Variants in PARP15 observed in about 807,000 individuals in gnomAD.
PARP15 encodes protein mono-ADP-ribosyltransferase PARP15.
In PARP15, 50 loss-of-function variants were observed where a neutral mutation model predicts 62.1. The observed-to-expected ratio is 0.81, with a 90% CI of 0.64 to 1.02. PARP15 has a LOEUF of 1.02. Among genes scored for constraint, PARP15 ranks in the 50% least tolerant of loss-of-function variants. The pLI, the probability that PARP15 is intolerant of heterozygous loss-of-function variation, is 0.00. For synonymous variants in PARP15, 309 were observed against 293.1 expected, an observed-to-expected ratio of 1.05 and a Z score of -0.55; for missense variants, 820 against 826.5, an observed-to-expected ratio of 0.99 and a Z score of 0.10.
At chr3:122,632,734 A>T (rs1195988455) in intron 10 of PARP15, among the ~76,000 whole-genome samples, 1 of 152,232 alleles carries the variant, frequency 6.6e-6, no homozygotes, top group African/African-American at 2.4e-5. Context: ...GAGAATCCCA[A>T]CTACTGCAAC....
At chr3:122,624,480 G>A (rs1036036279) in intron 8 of PARP15, among the ~76,000 whole-genome samples, 4 of 152,138 alleles carry the variant, frequency 2.6e-5, no homozygotes, top group African/African-American at 4.8e-5. Context: ...CCTGTGACAT[G>A]GAAACTATTA....
chr3:122,599,505 C>G (rs1266877841), intron 1 of PARP15, among the ~76,000 whole-genome samples: 1 of 144,194 alleles, frequency 6.9e-6, no homozygotes, highest in Non-Finnish European at 1.5e-5. Context: ...GCCTTTCTTC[C>G]TCGAATTTCT....
At chr3:122,587,730 T>C (rs1018203950) in intron 1 of PARP15, among the ~76,000 whole-genome samples, 1 of 152,058 alleles carries the variant, frequency 6.6e-6, no homozygotes, top group African/African-American at 2.4e-5. Flanking sequence ...CACTATATTG[T>C]CCAGGTCTTG....
At chr3:122,598,352 G>C (rs936616579) in intron 1 of PARP15, among the ~76,000 whole-genome samples, 1 of 152,172 alleles carries the variant, frequency 6.6e-6, no homozygotes, top group African/African-American at 2.4e-5. Flanking sequence ...GGGTGATTCT[G>C]GCTCAGTATC....
intron 9 of PARP15, 56 bp downstream of exon 9, chr3:122,627,089 A>C: frequency 1.4e-6 from 2 of 1,405,710 alleles, no homozygotes; most frequent in Non-Finnish European, 2.0e-6. Context: ...CACTTAGAAA[A>C]TGTTTAAGTG....
chr3:122,599,425 T>C (rs987645336), intron 1 of PARP15, among the ~76,000 whole-genome samples: 6 of 152,180 alleles, frequency 3.9e-5, no homozygotes, highest in Non-Finnish European at 8.8e-5. Context: ...CCAGATTTTA[T>C]TAGCTGGATA....
intron 6 of PARP15, among the ~76,000 whole-genome samples, chr3:122,617,966 A>T (rs151066281): frequency 9.3e-4 from 141 of 152,320 alleles, no homozygotes; most frequent in Non-Finnish European, 1.6e-3. Flanking sequence ...TCCTGACCTC[A>T]GGTGATCTGC....
At chr3:122,611,062 A>G (rs748389747) in intron 3 of PARP15, among the ~76,000 whole-genome samples, 2 of 152,214 alleles carry the variant, frequency 1.3e-5, no homozygotes, top group Non-Finnish European at 2.9e-5. Context: ...CCTTGGAGGT[A>G]GTAACATTCA....
At chr3:122,588,234 G>A (rs974216749) in intron 1 of PARP15, among the ~76,000 whole-genome samples, 20 of 151,918 alleles carry the variant, frequency 1.3e-4, no homozygotes, top group African/African-American at 4.6e-4. Context: ...ATTATTATTT[G>A]TAATATATTT....
intron 1 of PARP15, among the ~76,000 whole-genome samples, chr3:122,593,815 T>C (rs1934135936): frequency 1.3e-5 from 2 of 152,156 alleles, no homozygotes; most frequent in African/African-American, 4.8e-5. Context: ...TTTTGTCGCT[T>C]GTTTTGAAAA....
intron 4 of PARP15, chr3:122,615,483 C>T (rs755498543): frequency 6.1e-5 from 73 of 1,204,656 alleles, no homozygotes; most frequent in Middle Eastern, 2.1e-4. Flanking sequence ...GGAGGGATAA[C>T]GATAGTGGTC....
chr3:122,588,773 T>C (rs975596615), intron 1 of PARP15, among the ~76,000 whole-genome samples: 15 of 152,230 alleles, frequency 9.9e-5, no homozygotes, highest in African/African-American at 3.4e-4. Flanking sequence ...ACTACTATAC[T>C]TTCTGTCTTC....
At position 122,601,105 on chromosome 3, in the gene PARP15, G is replaced by A. The variant is rs147746286; in HGVS notation, c.187-4831G>A. ...TACCCAGGCTGGAGTGCAGCGGTGC[G>A]ATCTCAGCTCACTACAGCCTCCACC... is the stretch of plus-strand genomic sequence containing the variant. On this transcript the variant is annotated intron_variant, in intron 1 of 11. Coordinates refer to ENST00000464300, the MANE Select transcript of PARP15 (RefSeq NM_001113523.3). 1.7e-3 allele frequency among the ~76,000 whole-genome samples: 239 copies of A among 141,004 alleles called. 1 individual carries two copies. The highest frequency in any genetic ancestry group is 7.2e-3 in the Middle Eastern group (2 of 276). The allele number at this position is 141,004 out of a possible 152,430, so 92.5% of individuals were successfully genotyped here.
intron 4 of PARP15, chr3:122,615,041 AAAAAAGAAAAG>A (rs1383323978): frequency 2.1e-6 from 2 of 971,590 alleles, no homozygotes; most frequent in Middle Eastern, 5.3e-4. Flanking sequence ...AAAAAAAAAA[AAAAAAGAAAAG>A]AAAAGAAAAG....
intron 1 of PARP15, among the ~76,000 whole-genome samples, chr3:122,593,720 C>T (rs1026471751): frequency 1.3e-5 from 2 of 152,230 alleles, no homozygotes; most frequent in African/African-American, 4.8e-5. Context: ...TGTTCACTCC[C>T]TCAGCCTTTC....
chr3:122,585,865 G>A (rs6779583), intron 1 of PARP15, among the ~76,000 whole-genome samples: 56,496 of 151,972 alleles, frequency 0.37, 10,927 homozygotes, highest in Admixed American at 0.46. Context: ...TTTATGAACC[G>A]ACATTTCTTG....
chr3:122,592,096 A>G (rs112743035), intron 1 of PARP15, among the ~76,000 whole-genome samples: 10,727 of 152,246 alleles, frequency 0.07, 1,236 homozygotes, highest in African/African-American at 0.24. Flanking sequence ...CTGGGTATGT[A>G]TCCAAAGGAA....
intron 9 of PARP15, among the ~76,000 whole-genome samples, chr3:122,628,789 G>T (rs543613642): frequency 6.6e-6 from 1 of 152,146 alleles, no homozygotes; most frequent in East Asian, 1.9e-4. Context: ...ACTGCATTAC[G>T]TCATCTTTGT....
intron 1 of PARP15, among the ~76,000 whole-genome samples, chr3:122,579,790 C>A (rs560949160): frequency 6.6e-6 from 1 of 151,396 alleles, no homozygotes; most frequent in African/African-American, 2.4e-5. Context: ...ATCAGCCTGG[C>A]GAACATGGTG....
Sources: gnomAD v4.1 joint callset for allele counts (sites outside exome capture counted in the v4.1 genomes callset) on GRCh38, gnomAD v4.1.1 for gene constraint, MANE v1.5 for transcripts, NCBI Gene and HGNC (gene_info 2026-07-23, HGNC 2026-07-21) for gene names.